RPRD2: variants seen among roughly 807,000 people sequenced by gnomAD.
The protein encoded by RPRD2 is regulation of nuclear pre-mRNA domain-containing protein 2.
In RPRD2, 12 loss-of-function variants were observed where a neutral mutation model predicts 104.4. That is an observed-to-expected ratio of 0.11 (90% CI 0.07 to 0.19). RPRD2 has a LOEUF of 0.19. RPRD2 is among the 10% of genes least tolerant of loss of function. RPRD2 has a pLI of 1.00. For missense variants in RPRD2, 1,543 were observed against 1,790.1 expected, an observed-to-expected ratio of 0.86 and a Z score of 2.49; for synonymous variants, 714 against 684.9, an observed-to-expected ratio of 1.04 and a Z score of -0.66.
chr1:150,441,265 G>A, intron 3 of RPRD2: 2 of 387,562 alleles, frequency 5.2e-6, no homozygotes, highest in Non-Finnish European at 9.2e-6. Context: ...AGCATGTTAA[G>A]TGGTAATAGC....
At chr1:150,434,309 TC>T (rs1394290313) in intron 2 of RPRD2, among the ~76,000 whole-genome samples, 5 of 152,156 alleles carry the variant, frequency 3.3e-5, no homozygotes, top group African/African-American at 4.8e-5. Flanking sequence ...TGAGTTGAGA[TC>T]GTGCAACTGC....
rs1294260567 is a variant in RPRD2, at chr1:150,364,609, C to T, written c.-106C>T. 1.3e-5 allele frequency: 8 copies of T among 635,260 alleles called. No individual in the cohort carries two copies. Among genetic ancestry groups the T allele is most frequent in the Middle Eastern group, 4.2e-4 (1 of 2,406 alleles). 39.4% of individuals were successfully genotyped at this position (635,260 alleles called of 1,614,324 possible). On this transcript the variant is annotated 5_prime_UTR_variant, in exon 1 of 11. Coordinates refer to ENST00000369068, the MANE Select transcript of RPRD2 (RefSeq NM_015203.5). ...ACCATCCCCACCCCCTAGCTTCCCT[C>T]CCCACCTACGGCTTTCACGCACTCG...
At chr1:150,386,073 C>T (rs1451854923) in intron 1 of RPRD2, among the ~76,000 whole-genome samples, 1 of 152,032 alleles carries the variant, frequency 6.6e-6, no homozygotes, top group African/African-American at 2.4e-5. Flanking sequence ...ATAAATAAAG[C>T]TGATTTTGTA....
intron 10 of RPRD2, among the ~76,000 whole-genome samples, chr1:150,468,345 A>T (rs587633954): frequency 2.8e-5 from 4 of 143,332 alleles, no homozygotes; most frequent in African/African-American, 1.1e-4. Context: ...AAGAATTTTT[A>T]AAAATAATTA....
At chr1:150,373,229 G>A (rs1167311917) in intron 1 of RPRD2, among the ~76,000 whole-genome samples, 2 of 152,038 alleles carry the variant, frequency 1.3e-5, no homozygotes, top group Non-Finnish European at 2.9e-5. Flanking sequence ...GGTCACGCTG[G>A]TCTCGAACTC....
At chr1:150,385,748 G>C (rs1661516142) in intron 1 of RPRD2, among the ~76,000 whole-genome samples, 1 of 152,184 alleles carries the variant, frequency 6.6e-6, no homozygotes, top group Non-Finnish European at 1.5e-5. Context: ...AGTGCTTTCA[G>C]AGCTGTCTCT....
chr1:150,464,614 C>G lies in RPRD2; in HGVS notation c.1499C>G (p.Thr500Arg). The G allele has an allele frequency of 6.2e-7, 1 of 1,611,714 alleles. No homozygotes were observed. The highest frequency in any genetic ancestry group is 1.7e-5 in the Admixed American group (1 of 59,694). Reference sequence around the variant, plus strand: ...GGCCTGAAAACACCTGCACCTGCCACGACAACATCTCACAACCCTCTGGCA... The same window carrying G: ...GGCCTGAAAACACCTGCACCTGCCAGGACAACATCTCACAACCCTCTGGCA... ...TSGLKTPAPA[T>R]TTSHNPLANI... The change falls in exon 10 of 11, where the codon ACG (threonine) becomes AGG (arginine). Residue 500 changes from threonine to arginine, a missense_variant. By Grantham distance (71) the Thr-to-Arg change is moderately conservative. Around this residue, in one of 4 missense-constraint regions of RPRD2, gnomAD observed 572 missense variants for 787.3 expected, o/e 0.73. Coordinates refer to ENST00000369068, the MANE Select transcript of RPRD2 (RefSeq NM_015203.5).
Position 150,472,352 on chromosome 1 carries a change from G to T in RPRD2, c.3404G>T (p.Gly1135Val). 1 of 1,614,002 alleles carries T rather than the reference G, an allele frequency of 6.2e-7. No individual in the cohort carries two copies. Among genetic ancestry groups the T allele is most frequent in the Non-Finnish European group, 8.5e-7 (1 of 1,179,892 alleles). The change falls in exon 11 of 11, where the codon GGT becomes GTT. Residue 1135 changes from glycine (G) to valine (V), a missense_variant. This residue lies in a region of RPRD2 where 880 missense variants were observed against 885.6 expected (regional missense o/e 0.99). Transcript: ENST00000369068. ...GGTTGGTTTGATCTGAGCACATCAG[G>T]TAGCTCTTTTGACAATGGCCCTTCA... ...RVGWFDLSTS[G>V]SSFDNGPSSA...
At chr1:150,377,586 A>G (rs1660811156) in intron 1 of RPRD2, among the ~76,000 whole-genome samples, 1 of 149,748 alleles carries the variant, frequency 6.7e-6, no homozygotes, top group South Asian at 2.1e-4. Context: ...CGACAGAGCA[A>G]GACTGCGTCT....
Position 150,471,037 on chromosome 1 carries a change from T to C in RPRD2, c.2089T>C (p.Ser697Pro), listed in dbSNP as rs1668554106. 3 of 1,613,766 alleles carry C rather than the reference T, an allele frequency of 1.9e-6. No individual in the cohort carries two copies. In the African/African-American group the frequency reaches 4.0e-5, roughly 22 times the overall value. The change falls in exon 11 of 11, where the codon TCC becomes CCC. Residue 697 changes from serine (S) to proline (P), a missense_variant. Physicochemically the swap from Ser to Pro is moderately conservative, Grantham distance 74. Transcript: ENST00000369068. This position sits in a 1 kb window ranked among gnomAD's most constrained non-coding sequence, Gnocchi z 5.3. ...LNIPILSSLG[S>P]SAPSESHPSD... ...CATCCCAATCCTGAGCAGTTTGGGG[T>C]CCAGCGCCCCATCAGAGAGCCATCC...
intron 2 of RPRD2, among the ~76,000 whole-genome samples, chr1:150,427,731 C>T (rs1553890827): frequency 2.6e-5 from 4 of 151,606 alleles, no homozygotes. Context: ...CCCAGGAGGT[C>T]AAGGCTGCAG....
At chr1:150,419,602 C>T (rs1664614602) in intron 2 of RPRD2, among the ~76,000 whole-genome samples, 1 of 151,966 alleles carries the variant, frequency 6.6e-6, no homozygotes, top group African/African-American at 2.4e-5. Context: ...AACTTTATAC[C>T]GTGGGCACTA....
intron 1 of RPRD2, among the ~76,000 whole-genome samples, chr1:150,376,570 G>A (rs1553879536): frequency 6.6e-6 from 1 of 150,664 alleles, no homozygotes; most frequent in Non-Finnish European, 1.5e-5. Context: ...GCGCCATCTC[G>A]GCTCACTGCA....
chr1:150,384,677 GTGTGTT>G (rs1396234409), intron 1 of RPRD2, among the ~76,000 whole-genome samples: 174 of 138,780 alleles, frequency 1.3e-3, no homozygotes, highest in South Asian at 4.1e-3. Context: ...GTGTGTGTGT[GTGTGTT>G]TTTAGTAGAG....
chr1:150,393,045 T>A lies in RPRD2; in HGVS notation c.206-24551T>A, dbSNP rs192644383. Among the ~76,000 whole-genome samples the A allele has an allele frequency of 6.1e-4, 93 of 152,174 alleles. No homozygotes were observed. The East Asian group carries it at 0.011, about 18-fold the overall frequency. On this transcript the variant is annotated intron_variant, in intron 1 of 10. Transcript: ENST00000369068. ...AGGGATGATCAGTTCAGATTTTTTT[T>A]AAAAATGTGGCTATATAGAGAGACA...
At chr1:150,381,590 T>C (rs1661134755) in intron 1 of RPRD2, among the ~76,000 whole-genome samples, 1 of 151,396 alleles carries the variant, frequency 6.6e-6, no homozygotes, top group Non-Finnish European at 1.5e-5. Flanking sequence ...TTGCAAGCTC[T>C]GCCTCCTGGG....
chr1:150,393,097 A>G (rs1342557270), intron 1 of RPRD2, among the ~76,000 whole-genome samples: 1 of 152,156 alleles, frequency 6.6e-6, no homozygotes, highest in Non-Finnish European at 1.5e-5. Flanking sequence ...GTTAAAAGGC[A>G]GTTACTAACC....
At chr1:150,432,670 G>C (rs181962286) in intron 2 of RPRD2, among the ~76,000 whole-genome samples, 158 of 149,888 alleles carry the variant, frequency 1.1e-3, no homozygotes, top group African/African-American at 3.6e-3. Flanking sequence ...AGTATAAAAG[G>C]ACTACAATTA....
intron 1 of RPRD2, among the ~76,000 whole-genome samples, chr1:150,411,849 G>C (rs1219160825): frequency 3.3e-5 from 5 of 149,860 alleles, no homozygotes; most frequent in African/African-American, 1.2e-4. Flanking sequence ...CAGTAGGCTA[G>C]GCGCGGTGGC....
Sources: gnomAD v4.1 joint callset for allele counts (sites outside exome capture counted in the v4.1 genomes callset) on GRCh38, gnomAD v4.1.1 for gene constraint, gnomAD v4.1.1 regional missense constraint, Gnocchi (gnomAD v3.1) non-coding constraint, MANE v1.5 for transcripts, NCBI Gene and HGNC (gene_info 2026-07-23, HGNC 2026-07-21) for gene names.